Variants in MRPS9 observed in about 807,000 individuals in gnomAD.
MRPS9 encodes mitochondrial ribosomal protein S9.
In MRPS9, 45 loss-of-function variants were observed where a neutral mutation model predicts 59.9. The ratio of observed to expected loss-of-function variants is 0.75; its 90% CI spans 0.59 to 0.96. The LOEUF is 0.96. Among genes scored for constraint, MRPS9 ranks in the 40% least tolerant of loss-of-function variants. The pLI is 0.00. For synonymous variants in MRPS9, 171 were observed against 166.8 expected (o/e 1.03, Z -0.19); for missense variants, 473 against 481.1 (o/e 0.98, Z 0.16).
intron 10 of MRPS9, among the ~76,000 whole-genome samples, chr2:105,097,649 G>C (rs1227683017): frequency 6.6e-6 from 1 of 152,284 alleles, no homozygotes; most frequent in Non-Finnish European, 1.5e-5. Flanking sequence ...GCTTAGCTTA[G>C]TTATATTTAA....
At chr2:105,060,425 G>A (rs981742639) in intron 2 of MRPS9, among the ~76,000 whole-genome samples, 9 of 152,208 alleles carry the variant, frequency 5.9e-5, no homozygotes, top group African/African-American at 1.4e-4. Context: ...GAGATTACAC[G>A]TGGCGCCACC....
intron 1 of MRPS9, among the ~76,000 whole-genome samples, chr2:105,045,328 A>G (rs1337436110): frequency 6.6e-6 from 1 of 150,724 alleles, no homozygotes; most frequent in Admixed American, 6.6e-5. Flanking sequence ...CAAAAAAAAA[A>G]GAAAACCCAA....
intron 2 of MRPS9, among the ~76,000 whole-genome samples, chr2:105,052,060 C>A (rs1389327755): frequency 6.6e-6 from 1 of 151,978 alleles, no homozygotes; most frequent in Admixed American, 6.6e-5. Flanking sequence ...TAGGATATTT[C>A]ACCTGAAAAT....
chr2:105,056,815 A>G (rs1475279969), intron 2 of MRPS9, among the ~76,000 whole-genome samples: 1 of 152,202 alleles, frequency 6.6e-6, no homozygotes, highest in African/African-American at 2.4e-5. Context: ...AAAGAGTACA[A>G]TGTGAGTTGG....
At chr2:105,076,959 C>T (rs1274443850) in intron 4 of MRPS9, among the ~76,000 whole-genome samples, 1 of 152,106 alleles carries the variant, frequency 6.6e-6, no homozygotes, top group Non-Finnish European at 1.5e-5. Flanking sequence ...TCAGAAATAA[C>T]ATCTTATGGA....
At chr2:105,038,273 G>A (rs1051599382) in intron 1 of MRPS9, 46 bp downstream of exon 1, 1 of 1,585,020 alleles carries the variant, frequency 6.3e-7, no homozygotes, top group Non-Finnish European at 8.6e-7. Context: ...GCCGCGCGAG[G>A]ATGTGGAGCC....
rs747341338 is a variant in MRPS9, at chr2:105,097,189, C to T, written c.964C>T (p.Arg322Trp). Residue 322 changes from arginine to tryptophan, a missense_variant, in exon 10 of 11, where the codon CGG becomes TGG. Coordinates refer to ENST00000258455, the MANE Select transcript of MRPS9 (RefSeq NM_182640.3). ...GATGTTCCCTTTCCACTTTGTTGAC[C>T]GGCTGGGAAAGCACGACGTGACCTG... ...QLMFPFHFVD[R>W]LGKHDVTCTV... The T allele has an allele frequency of 1.1e-5, 17 of 1,595,440 alleles. No homozygotes were observed. Among genetic ancestry groups the T allele is most frequent in the Middle Eastern group, 1.7e-4 (1 of 6,014 alleles).
intron 7 of MRPS9, 169 bp from the exon 8 acceptor site, chr2:105,092,232 G>T (rs1370451905): frequency 2.1e-6 from 1 of 469,368 alleles, no homozygotes; most frequent in African/African-American, 2.0e-5. Context: ...CGCAGGAAAA[G>T]TGATGCATCT....
chr2:105,064,054 G>A (rs918073016), intron 2 of MRPS9, among the ~76,000 whole-genome samples: 15 of 152,134 alleles, frequency 9.9e-5, no homozygotes, highest in Non-Finnish European at 1.9e-4. Context: ...AATCCCTAAA[G>A]CAATTGACAA....
At chr2:105,046,717 G>T (rs1443078515) in intron 1 of MRPS9, among the ~76,000 whole-genome samples, 1 of 151,998 alleles carries the variant, frequency 6.6e-6, no homozygotes, top group African/African-American at 2.4e-5. Flanking sequence ...TGGTTGTAGT[G>T]ACCTAAAAGA....
intron 5 of MRPS9, among the ~76,000 whole-genome samples, chr2:105,081,625 T>C (rs1277891907): frequency 6.6e-6 from 1 of 152,190 alleles, no homozygotes; most frequent in Non-Finnish European, 1.5e-5. Context: ...GACCTAACTT[T>C]TCTAAGTTTG....
chr2:105,067,170 T>G (rs1680016474), intron 2 of MRPS9, among the ~76,000 whole-genome samples: 1 of 152,230 alleles, frequency 6.6e-6, no homozygotes, highest in African/African-American at 2.4e-5. Context: ...AATATCATTA[T>G]CACATCTGAT....
chr2:105,093,231 G>A (rs1164195499), intron 8 of MRPS9, among the ~76,000 whole-genome samples: 1 of 152,100 alleles, frequency 6.6e-6, no homozygotes, highest in Non-Finnish European at 1.5e-5. Flanking sequence ...ATTGGTTGTG[G>A]ATTCTCGTAA....
chr2:105,077,244 C>CAAAAAAAAAAAAAAAAAAAAAAAA (rs56216293), intron 4 of MRPS9, among the ~76,000 whole-genome samples: 2 of 115,478 alleles, frequency 1.7e-5, no homozygotes, highest in Non-Finnish European at 1.8e-5. Context: ...GACTCCATCT[C>CAAAAAAAAAAAAAAAAAAAAAAAA]AAAAAAAAAA....
rs146214499 is a variant in MRPS9 at position 105,063,134 on chromosome 2, C to A, written c.316-8179C>A. On this transcript the variant is annotated intron_variant, in intron 2 of 10. Coordinates refer to ENST00000258455, the MANE Select transcript of MRPS9 (RefSeq NM_182640.3). ...AATAAAACAGCAATGGGCAAGGTGC[C>A]GTGGCACATGCTGTAGTCTCAGCTC... is the stretch of plus-strand genomic sequence containing the variant. Among the ~76,000 whole-genome samples the A allele has an allele frequency of 3.3e-3, 496 of 152,188 alleles. 3 individuals are homozygous for A. The highest frequency in any genetic ancestry group is 0.011 in the African/African-American group (470 of 41,516).
At chr2:105,066,699 T>C (rs2104451741) in intron 2 of MRPS9, among the ~76,000 whole-genome samples, 1 of 152,224 alleles carries the variant, frequency 6.6e-6, no homozygotes, top group East Asian at 1.9e-4. Flanking sequence ...GAATTATGCT[T>C]AGTCTTCCAC....
At position 105,039,556 on chromosome 2, in the gene MRPS9, G is replaced by T. The variant is rs77780179; in HGVS notation, c.135+1329G>T. 7.3e-3 allele frequency among the ~76,000 whole-genome samples: 1,103 copies of T among 151,998 alleles called. 12 individuals are homozygous for T. The highest frequency in any genetic ancestry group is 0.025 in the African/African-American group (1,043 of 41,448). On this transcript the variant is annotated intron_variant, in intron 1 of 10. Coordinates refer to ENST00000258455, the MANE Select transcript of MRPS9 (RefSeq NM_182640.3). ...ATCATGCATAAACATACATGCACAG[G>T]TGTACTTTACAAAAAATGGTACCAT...
intron 2 of MRPS9, among the ~76,000 whole-genome samples, chr2:105,050,460 C>T (rs1679691362): frequency 1.3e-5 from 2 of 152,212 alleles, no homozygotes; most frequent in South Asian, 4.1e-4. Context: ...TCTTATTGCT[C>T]TTCTATGTTA....
intron 2 of MRPS9, among the ~76,000 whole-genome samples, chr2:105,070,521 A>G (rs958608243): frequency 6.6e-6 from 1 of 152,212 alleles, no homozygotes; most frequent in African/African-American, 2.4e-5. Context: ...ATCCCAGGCC[A>G]TAGACTCTTC....
Sources: gnomAD v4.1 joint callset for allele counts (sites outside exome capture counted in the v4.1 genomes callset) on GRCh38, gnomAD v4.1.1 for gene constraint, MANE v1.5 for transcripts, NCBI Gene and HGNC (gene_info 2026-07-23, HGNC 2026-07-21) for gene names.